CTNNA2: variants seen among roughly 807,000 people sequenced by gnomAD.
The protein encoded by CTNNA2 is catenin alpha-2.
In CTNNA2, 42 loss-of-function variants were observed where a neutral mutation model predicts 101.0. The observed-to-expected ratio is 0.42, with a 90% CI of 0.32 to 0.54. CTNNA2 has a LOEUF of 0.54. CTNNA2 is among the 20% of genes least tolerant of loss of function. The pLI, the probability that CTNNA2 is intolerant of heterozygous loss-of-function variation, is 0.14. For synonymous variants in CTNNA2, 450 were observed against 456.4 expected (o/e 0.99, Z 0.18); for missense variants, 871 against 1,223.1 (o/e 0.71, Z 4.29).
rs931473560 is a variant in CTNNA2, at chr2:79,430,537, A to G, written c.-135+56524A>G. ...ACACCAACCAACCAGAGCAACCAAC[A>G]TTTACCATTAGAAATCCATGTGTTT... On this transcript the variant is annotated intron_variant, in intron 4 of 21. Transcript: ENST00000466387. Among the ~76,000 whole-genome samples the G allele has an allele frequency of 2.0e-5, 3 of 152,138 alleles. No individual in the cohort carries two copies. In the East Asian group the frequency reaches 5.8e-4, roughly 29 times the overall value.
chr2:80,485,048 T>C (rs1312623926), intron 9 of CTNNA2, among the ~76,000 whole-genome samples: 1 of 152,112 alleles, frequency 6.6e-6, no homozygotes, highest in Non-Finnish European at 1.5e-5. Context: ...GGTCTATGAA[T>C]GAATCTTAAA....
chr2:80,093,871 ATTTG>A (rs1241528561), intron 7 of CTNNA2, among the ~76,000 whole-genome samples: 11 of 151,944 alleles, frequency 7.2e-5, no homozygotes, highest in African/African-American at 2.7e-4. Context: ...TTTCTTGTAA[ATTTG>A]TTTGAGTTCA....
chr2:80,466,928 T>C (rs888608587), intron 9 of CTNNA2, among the ~76,000 whole-genome samples: 7 of 152,226 alleles, frequency 4.6e-5, no homozygotes, highest in African/African-American at 1.7e-4. Context: ...GTGAATTTCA[T>C]GGGCTGTACC....
intron 7 of CTNNA2, among the ~76,000 whole-genome samples, chr2:80,172,596 T>C (rs1705135439): frequency 6.6e-6 from 1 of 152,218 alleles, no homozygotes; most frequent in Admixed American, 6.5e-5. Flanking sequence ...AGAGCTGCCA[T>C]AACAGCGTGC....
At chr2:79,825,665 T>C (rs983198915) in intron 3 of CTNNA2, among the ~76,000 whole-genome samples, 18 of 152,020 alleles carry the variant, frequency 1.2e-4, no homozygotes, top group African/African-American at 4.3e-4. Flanking sequence ...GAAATACAAA[T>C]TTGGAATTCA....
chr2:79,428,728 AC>A (rs774727263), intron 4 of CTNNA2, among the ~76,000 whole-genome samples: 3 of 152,142 alleles, frequency 2.0e-5, no homozygotes, highest in Admixed American at 6.6e-5. Context: ...TTGAAAAAAA[AC>A]ATATCCAATA....
intron 9 of CTNNA2, among the ~76,000 whole-genome samples, chr2:80,505,815 T>G (rs1688233628): frequency 6.6e-6 from 1 of 152,258 alleles, no homozygotes; most frequent in East Asian, 1.9e-4. Flanking sequence ...AGGTGCTTGC[T>G]TTCTTTAGCT....
At chr2:80,028,215 GGA>G (rs1695065816) in intron 7 of CTNNA2, 1 of 152,040 alleles carries the variant, frequency 6.6e-6, no homozygotes, top group Non-Finnish European at 1.5e-5. Flanking sequence ...TCCAGCTCTG[GGA>G]AGTTAGTCTT....
chr2:80,202,348 A>T (rs1331915362), intron 7 of CTNNA2, among the ~76,000 whole-genome samples: 1 of 152,218 alleles, frequency 6.6e-6, no homozygotes, highest in Non-Finnish European at 1.5e-5. Context: ...TAAACAGAAA[A>T]TTGTAATAAA....
intron 7 of CTNNA2, among the ~76,000 whole-genome samples, chr2:80,071,067 C>T (rs2148778638): frequency 6.6e-6 from 1 of 152,296 alleles, no homozygotes; most frequent in South Asian, 2.1e-4. Flanking sequence ...CTTACAGGCT[C>T]CAGGGATTAA....
At chr2:79,778,815 CAG>C (rs1450250881) in intron 3 of CTNNA2, among the ~76,000 whole-genome samples, 1 of 152,046 alleles carries the variant, frequency 6.6e-6, no homozygotes, top group Non-Finnish European at 1.5e-5. Context: ...TATAAAGTAA[CAG>C]AAACAATTTA....
At chr2:80,140,106 G>A (rs1401961159) in intron 7 of CTNNA2, among the ~76,000 whole-genome samples, 2 of 152,090 alleles carry the variant, frequency 1.3e-5, no homozygotes, top group Non-Finnish European at 2.9e-5. Flanking sequence ...CTGTAACCTG[G>A]GAACAAGGAG....
chr2:80,106,570 AG>A (rs997459513), intron 7 of CTNNA2, among the ~76,000 whole-genome samples: 1 of 152,174 alleles, frequency 6.6e-6, no homozygotes, highest in Admixed American at 6.5e-5. Context: ...CTCCACAAGT[AG>A]TAGCTCTTTC....
At chr2:80,230,933 G>A (rs1417436348) in intron 7 of CTNNA2, among the ~76,000 whole-genome samples, 6 of 151,816 alleles carry the variant, frequency 4.0e-5, no homozygotes, top group African/African-American at 1.5e-4. Flanking sequence ...TGCAGAAGCA[G>A]ACGTAGAATG....
intron 7 of CTNNA2, among the ~76,000 whole-genome samples, chr2:80,289,758 C>T (rs1367183920): frequency 6.6e-6 from 1 of 152,132 alleles, no homozygotes. Context: ...GGCCACTTAG[C>T]CCACTTGGGT....
chr2:79,708,185 A>G (rs529572990), intron 2 of CTNNA2, among the ~76,000 whole-genome samples: 181 of 152,288 alleles, frequency 1.2e-3, no homozygotes, highest in Non-Finnish European at 2.2e-3. Context: ...TATACAGTGT[A>G]CTATGCTTAT....
chr2:79,690,542 T>C lies in CTNNA2; in HGVS notation c.102+38884T>C, dbSNP rs1336404580. Among the ~76,000 whole-genome samples, 3 of 152,022 alleles carry C rather than the reference T, an allele frequency of 2.0e-5. No individual in the cohort carries two copies. The East Asian group carries it at 5.8e-4, about 29-fold the overall frequency. ...TTTTCTTTATCCAGTCTATCGTTGATGGGCTTTTGGGTTGGTTCCAAGTCT... is the reference window on the plus strand; with the variant it reads ...TTTTCTTTATCCAGTCTATCGTTGACGGGCTTTTGGGTTGGTTCCAAGTCT... On this transcript the variant is annotated intron_variant, in intron 2 of 18. Transcript: ENST00000402739.
chr2:80,158,007 G>C (rs1486783293), intron 7 of CTNNA2, among the ~76,000 whole-genome samples: 1 of 152,146 alleles, frequency 6.6e-6, no homozygotes, highest in Non-Finnish European at 1.5e-5. Flanking sequence ...AGCTTGCTGA[G>C]CCTCTCATGA....
At chr2:80,057,889 A>G (rs1447152136) in intron 7 of CTNNA2, among the ~76,000 whole-genome samples, 1 of 152,220 alleles carries the variant, frequency 6.6e-6, no homozygotes, top group East Asian at 1.9e-4. Flanking sequence ...ATCCTAGCAG[A>G]TACGCAGATA....
Sources: allele counts gnomAD v4.1 joint callset (sites outside exome capture counted in the v4.1 genomes callset), GRCh38; gene constraint gnomAD v4.1.1; transcripts MANE v1.5; gene names NCBI Gene and HGNC (gene_info 2026-07-23, HGNC 2026-07-21).